Variants in B3GALT5 observed in about 807,000 individuals in gnomAD.
B3GALT5 encodes beta-1,3-galactosyltransferase 5.
For missense variants in B3GALT5, 328 were observed against 396.6 expected (o/e 0.83, Z 1.47); for synonymous variants, 156 against 158.6 (o/e 0.98, Z 0.12).
intron 2 of B3GALT5, among the ~76,000 whole-genome samples, chr21:39,653,186 A>G (rs918268567): frequency 4.6e-5 from 7 of 152,264 alleles, no homozygotes; most frequent in African/African-American, 1.7e-4. Context: ...TGAACTTCAT[A>G]TAAATGGAAT....
At chr21:39,629,504 T>G (rs2079181192) in intron 1 of B3GALT5, among the ~76,000 whole-genome samples, 2 of 152,160 alleles carry the variant, frequency 1.3e-5, no homozygotes, top group African/African-American at 4.8e-5. Flanking sequence ...CTTTTAATTT[T>G]ATTATTCCTG....
chr21:39,615,136 C>T (rs1342138359), intron 1 of B3GALT5, among the ~76,000 whole-genome samples: 1 of 152,216 alleles, frequency 6.6e-6, no homozygotes, highest in African/African-American at 2.4e-5. Flanking sequence ...CCCCTTCCTG[C>T]TCCCAGGTAA....
chr21:39,652,262 T>C (rs2079403265), intron 2 of B3GALT5, among the ~76,000 whole-genome samples: 1 of 152,104 alleles, frequency 6.6e-6, no homozygotes, highest in South Asian at 2.1e-4. Context: ...CTCCCTGGGG[T>C]TCAAGTCAGG....
intron 1 of B3GALT5, among the ~76,000 whole-genome samples, chr21:39,614,972 C>T (rs1484715991): frequency 6.6e-6 from 1 of 152,206 alleles, no homozygotes; most frequent in Non-Finnish European, 1.5e-5. Flanking sequence ...GGAGTCCCTC[C>T]TTGTACCTGA....
intron 1 of B3GALT5, among the ~76,000 whole-genome samples, chr21:39,614,097 A>AT (rs2079095191): frequency 6.6e-6 from 1 of 152,066 alleles, no homozygotes; most frequent in Admixed American, 6.5e-5. Context: ...TATTTTACAG[A>AT]TGTAGGAAGT....
intron 1 of B3GALT5, among the ~76,000 whole-genome samples, chr21:39,623,544 ATATTT>A (rs777275823): frequency 2.0e-5 from 3 of 152,014 alleles, no homozygotes; most frequent in Non-Finnish European, 2.9e-5. Context: ...GTGTTTGAAA[ATATTT>A]TAATTATGGC....
At chr21:39,643,147 G>A (rs539244342) in intron 1 of B3GALT5, among the ~76,000 whole-genome samples, 1 of 152,300 alleles carries the variant, frequency 6.6e-6, no homozygotes, top group South Asian at 2.1e-4. Flanking sequence ...AATGGAATGA[G>A]TACTAAACTG....
chr21:39,655,023 G>A (rs2146212035), intron 2 of B3GALT5, among the ~76,000 whole-genome samples: 1 of 152,278 alleles, frequency 6.6e-6, no homozygotes, highest in Non-Finnish European at 1.5e-5. Flanking sequence ...CCTGTATACA[G>A]AAAGAAATTT....
At position 39,672,474 on chromosome 21, in the gene B3GALT5, TGTATATTAG is replaced by T. The variant is rs2079638583; in HGVS notation, c.*10984_*10992del. 1 of 152,236 alleles carries T rather than the reference TGTATATTAG, an allele frequency of 6.6e-6. No homozygotes were observed. Among genetic ancestry groups the T allele is most frequent in the East Asian group, 1.9e-4 (1 of 5,204 alleles). 9.4% of individuals were successfully genotyped at this position (152,236 alleles called of 1,614,324 possible). ...ATGCTATTTGAAACTGTCATTTCCT[TGTATATTAG>T]GGGGATCTGCTAGACTCTTATGTCA... On this transcript the variant is annotated 3_prime_UTR_variant, in exon 4 of 4. Coordinates refer to ENST00000684187, the MANE Select transcript of B3GALT5 (RefSeq NM_001356336.2).
chr21:39,649,543 A>T (rs1429026242), intron 2 of B3GALT5, among the ~76,000 whole-genome samples: 3 of 152,140 alleles, frequency 2.0e-5, no homozygotes, highest in African/African-American at 7.2e-5. Flanking sequence ...GGGGAAAGAG[A>T]CCTCAGTATA....
intron 1 of B3GALT5, among the ~76,000 whole-genome samples, chr21:39,638,778 C>G (rs117741984): frequency 0.046 from 6,990 of 152,224 alleles, 243 homozygotes; most frequent in Non-Finnish European, 0.073. Context: ...GCCCCACAGC[C>G]TGCCCGTCTT....
chr21:39,659,949 A>G, intron 3 of B3GALT5, 37 bp downstream of exon 3: 1 of 978,324 alleles, frequency 1.0e-6, no homozygotes, highest in Non-Finnish European at 1.2e-6. Context: ...TAACGTTACC[A>G]TGGATGATCC....
intron 1 of B3GALT5, among the ~76,000 whole-genome samples, chr21:39,613,753 G>A (rs1442521766): frequency 2.0e-5 from 3 of 152,204 alleles, no homozygotes; most frequent in Admixed American, 2.0e-4. Flanking sequence ...ATTTTCCTTC[G>A]TGGTTTTGTT....
intron 1 of B3GALT5, among the ~76,000 whole-genome samples, chr21:39,640,751 T>TTTTG (rs1023650895): frequency 6.6e-6 from 1 of 152,080 alleles, no homozygotes; most frequent in Admixed American, 6.5e-5. Flanking sequence ...TGGATGCTTT[T>TTTTG]TTTGTTTGTT....
chr21:39,614,044 G>GT (rs772332625), intron 1 of B3GALT5, among the ~76,000 whole-genome samples: 2 of 152,206 alleles, frequency 1.3e-5, no homozygotes, highest in Non-Finnish European at 2.9e-5. Flanking sequence ...GAAGTGTCAT[G>GT]TTTCGTTGGG....
chr21:39,667,354 T>C lies in B3GALT5; in HGVS notation c.*5862T>C, dbSNP rs1296485527. ...GCCAAATAATTAATTTTCATGCGAG[T>C]TTTTGATCCCCTTGAGTGTGGTTAT... On this transcript the variant is annotated 3_prime_UTR_variant, in exon 4 of 4. Coordinates refer to ENST00000684187, the MANE Select transcript of B3GALT5 (RefSeq NM_001356336.2). 1 of 152,060 alleles carries C rather than the reference T, an allele frequency of 6.6e-6. No individual in the cohort carries two copies. Among genetic ancestry groups the C allele is most frequent in the African/African-American group, 2.4e-5 (1 of 41,392 alleles). The allele number at this position is 152,060 out of a possible 1,614,324, so 9.4% of individuals were successfully genotyped here.
chr21:39,633,064 A>T (rs1009426605), intron 1 of B3GALT5, among the ~76,000 whole-genome samples: 1 of 152,152 alleles, frequency 6.6e-6, no homozygotes, highest in African/African-American at 2.4e-5. Flanking sequence ...CCATTGGAAA[A>T]TGATGATTGC....
At chr21:39,617,975 G>T (rs1569205041) in intron 1 of B3GALT5, among the ~76,000 whole-genome samples, 1 of 149,656 alleles carries the variant, frequency 6.7e-6, no homozygotes. Flanking sequence ...TCATCTCTAT[G>T]AAAAAAATAA....
intron 1 of B3GALT5, among the ~76,000 whole-genome samples, chr21:39,639,835 C>T (rs530982034): frequency 1.5e-4 from 23 of 152,150 alleles, no homozygotes; most frequent in Admixed American, 1.0e-3. Context: ...GCTCTCCTAG[C>T]GGCTAATCTG....
Sources: allele counts gnomAD v4.1 joint callset (sites outside exome capture counted in the v4.1 genomes callset), GRCh38; gene constraint gnomAD v4.1.1; transcripts MANE v1.5; gene names NCBI Gene and HGNC (gene_info 2026-07-23, HGNC 2026-07-21).